The following SYT1 variants were observed in gnomAD, a reference collection of about 807,000 sequenced individuals.
SYT1 encodes synaptotagmin 1, also known as synaptotagmin-1.
A neutral mutation model predicts 44.8 loss-of-function variants in SYT1; 8 were observed. The observed-to-expected ratio is 0.18, with a 90% CI of 0.10 to 0.32. The LOEUF (loss-of-function observed/expected upper bound fraction) is 0.32. Among genes scored for constraint, SYT1 ranks in the 10% least tolerant of loss-of-function variants. The pLI is 1.00. For missense variants in SYT1, 286 were observed against 509.3 expected, an observed-to-expected ratio of 0.56 and a Z score of 4.22; for synonymous variants, 154 against 188.8, an observed-to-expected ratio of 0.82 and a Z score of 1.51.
At chr12:79,309,052 G>T (rs895135034) in intron 8 of SYT1, among the ~76,000 whole-genome samples, 1 of 152,176 alleles carries the variant, frequency 6.6e-6, no homozygotes, top group Admixed American at 6.5e-5. Flanking sequence ...ACAAGTACAG[G>T]CCAGATTTTT....
In SYT1 at chr12:79,448,906, G is replaced by C. The variant is rs1870881697; in HGVS notation, c.1063-12G>C. 5.0e-6 allele frequency: 8 copies of C among 1,613,530 alleles called. No individual in the cohort carries two copies. Among genetic ancestry groups the C allele is most frequent in the Non-Finnish European group, 6.8e-6 (8 of 1,179,552 alleles). On this transcript the variant is annotated splice_polypyrimidine_tract_variant and intron_variant, in intron 10 of 10. Coordinates refer to ENST00000261205, the MANE Select transcript of SYT1 (RefSeq NM_005639.3). ...GCTAGATGATTCATATTCATTTCAT[G>C]GCTTCTTTCAGAAAGTGCAGGTGGT...
At chr12:79,327,938 A>G (rs1881678132) in intron 8 of SYT1, among the ~76,000 whole-genome samples, 1 of 152,208 alleles carries the variant, frequency 6.6e-6, no homozygotes, top group African/African-American at 2.4e-5. Flanking sequence ...GAATGGCGTG[A>G]GGGGTAAGCC....
At chr12:79,206,059 A>G (rs2138515493) in intron 3 of SYT1, among the ~76,000 whole-genome samples, 2 of 152,328 alleles carry the variant, frequency 1.3e-5, no homozygotes, top group Middle Eastern at 6.8e-3. Context: ...ATGGTTTCAT[A>G]TAATTTGAAT....
rs926451110 is a variant in SYT1, at chr12:79,143,068, TA to T, written c.-17-74427del. 2.0e-5 allele frequency among the ~76,000 whole-genome samples: 3 copies of T among 151,942 alleles called. No individual in the cohort carries two copies. The East Asian group carries it at 5.8e-4, about 29-fold the overall frequency. ...TATGATTCTAAGAAAATCCTACATT[TA>T]AAAAAAAGATGGGTGATTAGGTATA... On this transcript the variant is annotated intron_variant, in intron 3 of 10. Coordinates refer to ENST00000261205, the MANE Select transcript of SYT1 (RefSeq NM_005639.3).
intron 9 of SYT1, among the ~76,000 whole-genome samples, chr12:79,367,643 T>C (rs1200006762): frequency 6.6e-6 from 1 of 151,986 alleles, no homozygotes; most frequent in Non-Finnish European, 1.5e-5. Flanking sequence ...TCATTTTCCA[T>C]ATTAAACATA....
chr12:79,218,698 A>T (rs984358815), intron 4 of SYT1, among the ~76,000 whole-genome samples: 1 of 152,206 alleles, frequency 6.6e-6, no homozygotes, highest in Admixed American at 6.5e-5. Context: ...CACGAATACC[A>T]CGATTTCATT....
intron 9 of SYT1, among the ~76,000 whole-genome samples, chr12:79,362,184 G>A (rs1282584434): frequency 1.3e-5 from 2 of 152,064 alleles, no homozygotes; most frequent in South Asian, 2.1e-4. Context: ...CTGAAGATAA[G>A]ATAAACGTTT....
At chr12:79,277,172 C>A (rs1216308851) in intron 4 of SYT1, among the ~76,000 whole-genome samples, 2 of 151,876 alleles carry the variant, frequency 1.3e-5, no homozygotes, top group African/African-American at 4.8e-5. Context: ...AAGGATATCA[C>A]CACAGTATAT....
chr12:78,884,517 A>G (rs1315065116), intron 1 of SYT1, among the ~76,000 whole-genome samples: 2 of 151,700 alleles, frequency 1.3e-5, no homozygotes, highest in African/African-American at 4.8e-5. Context: ...TAAATGTTCC[A>G]CTTCTTTCAT....
At chr12:79,090,956 G>C (rs1057415425) in intron 3 of SYT1, among the ~76,000 whole-genome samples, 2 of 151,892 alleles carry the variant, frequency 1.3e-5, no homozygotes, top group Non-Finnish European at 2.9e-5. Context: ...TTTCCTGTGA[G>C]TTAATCTTTC....
intron 3 of SYT1, among the ~76,000 whole-genome samples, chr12:79,091,080 T>TTTG (rs1877744396): frequency 1.3e-5 from 2 of 152,000 alleles, no homozygotes; most frequent in Admixed American, 6.6e-5. Context: ...AGAGCCATGC[T>TTTG]TTGTGTCTGC....
At chr12:79,146,693 C>T (rs1241708752) in intron 3 of SYT1, among the ~76,000 whole-genome samples, 1 of 152,008 alleles carries the variant, frequency 6.6e-6, no homozygotes, top group East Asian at 1.9e-4. Flanking sequence ...AAAACATGAC[C>T]TTATGAAATG....
At chr12:78,978,564 A>G (rs1869014980) in intron 2 of SYT1, among the ~76,000 whole-genome samples, 1 of 152,230 alleles carries the variant, frequency 6.6e-6, no homozygotes, top group African/African-American at 2.4e-5. Flanking sequence ...TTCAATTACC[A>G]TTCTTCATTA....
intron 3 of SYT1, among the ~76,000 whole-genome samples, chr12:79,196,756 G>A (rs775986037): frequency 1.3e-5 from 2 of 152,180 alleles, no homozygotes; most frequent in African/African-American, 4.8e-5. Context: ...CACAACAGGA[G>A]GTAAGAGAGT....
intron 2 of SYT1, among the ~76,000 whole-genome samples, chr12:78,987,680 A>G (rs185744160): frequency 8.1e-4 from 123 of 152,076 alleles, no homozygotes; most frequent in Non-Finnish European, 8.4e-4. Flanking sequence ...TACATTAGGG[A>G]TATATAAAAA....
intron 3 of SYT1, among the ~76,000 whole-genome samples, chr12:79,146,230 C>G (rs980781368): frequency 6.6e-6 from 1 of 152,192 alleles, no homozygotes; most frequent in Non-Finnish European, 1.5e-5. Flanking sequence ...GCAGCACATT[C>G]ATACACCCTC....
intron 3 of SYT1, among the ~76,000 whole-genome samples, chr12:79,105,291 A>G (rs1180338862): frequency 6.6e-6 from 1 of 152,172 alleles, no homozygotes; most frequent in Non-Finnish European, 1.5e-5. Flanking sequence ...TCTTGGTATG[A>G]TGCATGTACA....
chr12:78,955,684 A>G (rs910896921), intron 1 of SYT1: 1 of 152,002 alleles, frequency 6.6e-6, no homozygotes, highest in African/African-American at 2.4e-5. Flanking sequence ...AAACCACAGC[A>G]ATTGGTTTTA....
In SYT1 at chr12:79,052,678, C is replaced by T. The variant is rs542291151; in HGVS notation, c.-18+5316C>T. ...TTTACAAGAAAAAAACAAACAACCC[C>T]ATCAAAAAGTGGGTGAAGGATATGA... is the stretch of plus-strand genomic sequence containing the variant. On this transcript the variant is annotated intron_variant, in intron 3 of 10. Coordinates refer to ENST00000261205, the MANE Select transcript of SYT1 (RefSeq NM_005639.3). Among the ~76,000 whole-genome samples, 22 of 151,666 alleles carry T rather than the reference C, an allele frequency of 1.5e-4. No homozygotes were observed. In the East Asian group the frequency reaches 3.7e-3, roughly 25 times the overall value.
Sources: allele counts gnomAD v4.1 joint callset (sites outside exome capture counted in the v4.1 genomes callset), GRCh38; gene constraint gnomAD v4.1.1; transcripts MANE v1.5; gene names NCBI Gene and HGNC (gene_info 2026-07-23, HGNC 2026-07-21).